Variants in ALS2 observed in about 807,000 individuals in gnomAD.
ALS2 encodes alsin.
ALS2 carries 117 observed loss-of-function variants against 203.4 expected under a neutral mutation model. That is an observed-to-expected ratio of 0.58 (90% confidence interval 0.50 to 0.67). The LOEUF is 0.67. Ranked by LOEUF, ALS2 falls within the 30% of genes least tolerant of loss-of-function variation. The pLI is 0.00. For missense variants in ALS2, 1,715 were observed against 1,989.4 expected (o/e 0.86, Z 2.62); for synonymous variants, 718 against 725.9 (o/e 0.99, Z 0.17).
Position 201,757,820 on chromosome 2 carries a change from A to T in ALS2, c.1114-61T>A, listed in dbSNP as rs7597934. The T allele has an allele frequency of 6.1e-3, 7,961 of 1,312,478 alleles. 41 individuals are homozygous for T. The highest frequency in any genetic ancestry group is 7.4e-3 in the Non-Finnish European group (7,070 of 951,398). 81.3% of individuals were successfully genotyped at this position (1,312,478 alleles called of 1,614,324 possible). The stretch of plus-strand genomic sequence containing the variant: ...ATAATCCCTTATGCAACAAGCAATC[A>T]ATAAAAAGAAAGGCTAATATCCATC... On this transcript the variant is annotated intron_variant, in intron 4 of 33. Coordinates refer to ENST00000264276, the MANE Select transcript of ALS2 (RefSeq NM_020919.4).
Position 201,707,890 on chromosome 2 carries a change from C to T in ALS2, c.4382G>A (p.Arg1461Gln), listed in dbSNP as rs758889641. ...TTACCCTGGCTCTGGTGATTCAGAT[C>T]GGGAATCTGACTTCCCAGTGCAAAA... Reference protein sequence around the residue: ...KSFCTGKSDSRSESPEPGYVV... With the variant: ...KSFCTGKSDSQSESPEPGYVV... The change falls in exon 28 of 34, where the codon CGA (arginine) becomes CAA (glutamine). Residue 1461 changes from arginine to glutamine, a missense_variant. Physicochemically the swap from Arg to Gln is conservative, Grantham distance 43. This residue lies in a region of ALS2 where 1,227 missense variants were observed against 1,413.5 expected (regional missense o/e 0.87). Transcript: ENST00000264276. The T allele has an allele frequency of 8.1e-6, 13 of 1,613,290 alleles. No individual in the cohort carries two copies. The highest frequency in any genetic ancestry group is 2.2e-5 in the South Asian group (2 of 91,024).
rs1332267939 is a variant in ALS2, at chr2:201,708,056, C to CA, written c.4281-66dup. On this transcript the variant is annotated intron_variant, in intron 27 of 33. Transcript: ENST00000264276. ...CTAGGGGGGTTGAAAAGCATAAAAA[C>CA]ACATTTCCATTAGTTATGAGAGCAA... 6.7e-6 allele frequency: 10 copies of CA among 1,489,774 alleles called. No individual in the cohort carries two copies. In the East Asian group the frequency reaches 2.3e-4, roughly 35 times the overall value. The allele number at this position is 1,489,774 out of a possible 1,614,324, so 92.3% of individuals were successfully genotyped here.
At chr2:201,722,474 T>G (rs2105996680) in intron 23 of ALS2, 1 of 152,696 alleles carries the variant, frequency 6.5e-6, no homozygotes, top group South Asian at 2.1e-4. Context: ...GCAATTACAC[T>G]CCAGGCATCT....
Position 201,761,624 on chromosome 2 carries a change from C to T in ALS2, c.370G>A (p.Ala124Thr). 1 of 1,614,204 alleles carries T rather than the reference C, an allele frequency of 6.2e-7. No individual in the cohort carries two copies. Among genetic ancestry groups the T allele is most frequent in the Non-Finnish European group, 8.5e-7 (1 of 1,180,036 alleles). The change falls in exon 4 of 34, where the codon GCA becomes ACA. Residue 124 changes from alanine (A) to threonine (T), a missense_variant. This residue lies in a region of ALS2 where 476 missense variants were observed against 539.3 expected (regional missense o/e 0.88). Coordinates refer to ENST00000264276, the MANE Select transcript of ALS2 (RefSeq NM_020919.4). ...GGCACATACTGCTGGTTGGCTACTG[C>T]ACACTGGCCAGCAGAATTCTCTCCC... ...MWGENSAGQC[A>T]VANQQYVPEP...
chr2:201,720,444 T>TAGCCTA (rs1373771470), intron 23 of ALS2, among the ~76,000 whole-genome samples: 1 of 149,594 alleles, frequency 6.7e-6, no homozygotes, highest in Non-Finnish European at 1.5e-5. Context: ...GGCTCATGCC[T>TAGCCTA]GTAATCCTAG....
intron 25 of ALS2, among the ~76,000 whole-genome samples, chr2:201,712,862 C>A (rs931983900): frequency 6.6e-6 from 1 of 151,990 alleles, no homozygotes; most frequent in South Asian, 2.1e-4. Context: ...AAATGTTGGG[C>A]CACTTCCTTC....
rs1478426427 is a variant in ALS2 at position 201,715,702 on chromosome 2, A to G, written c.3974T>C (p.Leu1325Ser). ...TCTGTGCTGGCGCCGACTGGTGGTCAAGGCCACAGCAATATTGTCCCATGC... is the reference window on the plus strand; with the variant it reads ...TCTGTGCTGGCGCCGACTGGTGGTCGAGGCCACAGCAATATTGTCCCATGC... ...WKAWDNIAVA[L>S]TTSRRQHRDS... Residue 1325 changes from leucine to serine, a missense_variant, in exon 25 of 34, where the codon TTG becomes TCG. This residue lies in a region of ALS2 where 1,227 missense variants were observed against 1,413.5 expected (regional missense o/e 0.87). Transcript: ENST00000264276. 2 of 1,614,120 alleles carry G rather than the reference A, an allele frequency of 1.2e-6. No homozygotes were observed. Among genetic ancestry groups the G allele is most frequent in the Non-Finnish European group, 1.7e-6 (2 of 1,180,038 alleles).
At chr2:201,768,971 G>C in intron 1 of ALS2, 26 bp from the exon 2 acceptor site, 1 of 1,265,750 alleles carries the variant, frequency 7.9e-7, no homozygotes, top group Non-Finnish European at 1.1e-6. Context: ...AAGGAAAAGA[G>C]CAGTAAAAGA....
chr2:201,758,009 T>C (rs958404878), intron 4 of ALS2, among the ~76,000 whole-genome samples: 1 of 152,164 alleles, frequency 6.6e-6, no homozygotes, highest in Non-Finnish European at 1.5e-5. Context: ...TGTTTTTCTA[T>C]GGTATTTCAA....
chr2:201,713,417 C>T (rs1690171754), intron 25 of ALS2, among the ~76,000 whole-genome samples: 1 of 152,112 alleles, frequency 6.6e-6, no homozygotes, highest in Admixed American at 6.5e-5. Flanking sequence ...CCACCATGCC[C>T]AGCCCATTCT....
intron 4 of ALS2, 23 bp from the exon 5 acceptor site, chr2:201,757,782 A>G: frequency 6.5e-7 from 1 of 1,535,980 alleles, no homozygotes; most frequent in Non-Finnish European, 8.9e-7. Context: ...CACATAAAAA[A>G]TTATATAAAA....
At chr2:201,760,020 T>G (rs1693658394) in intron 4 of ALS2, 1 of 981,438 alleles carries the variant, frequency 1.0e-6, no homozygotes. Context: ...TGAAAATAGT[T>G]TTAATAAGAT....
chr2:201,735,878 C>T (rs1482814540), intron 12 of ALS2, among the ~76,000 whole-genome samples: 1 of 152,160 alleles, frequency 6.6e-6, no homozygotes, highest in Non-Finnish European at 1.5e-5. Context: ...TTTTTTGCAT[C>T]TTCCTGTAAT....
rs757618152 is a variant in ALS2 at position 201,725,632 on chromosome 2, AGAG to A, written c.3249-181_3249-179del. On this transcript the variant is annotated intron_variant, in intron 19 of 33. Transcript: ENST00000264276. ...AATCTATAACCTAAGCTGTTTGGCAAGAGGAGTGGGACATCAGCCCCACTACAC... is the reference window on the plus strand; with the variant it reads ...AATCTATAACCTAAGCTGTTTGGCAAGAGTGGGACATCAGCCCCACTACAC... 1.4e-4 allele frequency among the ~76,000 whole-genome samples: 22 copies of A among 152,348 alleles called. No individual in the cohort carries two copies. In the Middle Eastern group the frequency reaches 0.017, roughly 118 times the overall value.
At chr2:201,773,225 C>T (rs1694491547) in intron 1 of ALS2, among the ~76,000 whole-genome samples, 1 of 152,190 alleles carries the variant, frequency 6.6e-6, no homozygotes, top group African/African-American at 2.4e-5. Flanking sequence ...ATGGTGAACA[C>T]TCACGGAGCA....
At chr2:201,777,406 C>T (rs1694708466) in intron 1 of ALS2, among the ~76,000 whole-genome samples, 1 of 152,024 alleles carries the variant, frequency 6.6e-6, no homozygotes, top group Non-Finnish European at 1.5e-5. Context: ...AGTTCTTTTT[C>T]CACAGTCTCC....
At chr2:201,777,487 A>G (rs1008543480) in intron 1 of ALS2, among the ~76,000 whole-genome samples, 1 of 152,218 alleles carries the variant, frequency 6.6e-6, no homozygotes, top group East Asian at 1.9e-4. Context: ...TAAAAATGTT[A>G]AAGTGCTAGT....
chr2:201,722,960 A>G, intron 23 of ALS2, 83 bp downstream of exon 23: 1 of 1,137,328 alleles, frequency 8.8e-7, no homozygotes, highest in East Asian at 2.5e-5. Flanking sequence ...ATTTTATGGC[A>G]TGTAAATCAG....
At chr2:201,756,931 T>C (rs904878367) in intron 5 of ALS2, among the ~76,000 whole-genome samples, 1 of 152,208 alleles carries the variant, frequency 6.6e-6, no homozygotes, top group Non-Finnish European at 1.5e-5. Flanking sequence ...ACTGCTGAAC[T>C]GATTGAGAAA....
Sources: gnomAD v4.1 joint callset for allele counts (sites outside exome capture counted in the v4.1 genomes callset) on GRCh38, gnomAD v4.1.1 for gene constraint, gnomAD v4.1.1 regional missense constraint, MANE v1.5 for transcripts, NCBI Gene and HGNC (gene_info 2026-07-23, HGNC 2026-07-21) for gene names.